The following PRR16 variants were observed in gnomAD, a reference collection of about 807,000 sequenced individuals.
PRR16 encodes protein Largen.
PRR16 carries 6 observed loss-of-function variants against 18.2 expected under a neutral mutation model. The ratio of observed to expected loss-of-function variants is 0.33; its 90% CI spans 0.18 to 0.65. PRR16 has a LOEUF of 0.65. Ranked by LOEUF, PRR16 falls within the 30% of genes least tolerant of loss-of-function variation. The pLI is 0.74. For synonymous variants in PRR16, 151 were observed against 147.8 expected (o/e 1.02, Z -0.16); for missense variants, 412 against 376.6 (o/e 1.09, Z -0.78).
At chr5:120,699,234 G>A in the PRR16 span, among the ~76,000 whole-genome samples, 1,372 of 152,166 alleles carry the variant, frequency 9.0e-3, 27 homozygotes, top group African/African-American at 0.03. Context: ...AGATTTCCAC[G>A]ATGGAAAGGA....
At chr5:120,544,495 C>T (rs914834886) in intron 1 of PRR16, among the ~76,000 whole-genome samples, 5 of 152,068 alleles carry the variant, frequency 3.3e-5, no homozygotes, top group African/African-American at 4.8e-5. Flanking sequence ...TATATGCACA[C>T]ACATGTATGT....
At chr5:120,728,228 T>A in the PRR16 span, among the ~76,000 whole-genome samples, 12 of 152,020 alleles carry the variant, frequency 7.9e-5, no homozygotes, top group African/African-American at 2.9e-4. Flanking sequence ...AGCAAGAGTT[T>A]CTGATCTCAA....
chr5:120,590,799 G>A (rs1220672230), intron 1 of PRR16, among the ~76,000 whole-genome samples: 1 of 152,042 alleles, frequency 6.6e-6, no homozygotes, highest in East Asian at 1.9e-4. Context: ...CTCATGATAT[G>A]CATTCAGTAA....
At chr5:120,651,024 A>C (rs917550408) in intron 1 of PRR16, among the ~76,000 whole-genome samples, 11 of 152,202 alleles carry the variant, frequency 7.2e-5, no homozygotes, top group South Asian at 2.1e-4. Flanking sequence ...GCCATTCTAA[A>C]TGTTGTGAGA....
chr5:120,764,476 A>AT, the PRR16 span, among the ~76,000 whole-genome samples: 3 of 151,106 alleles, frequency 2.0e-5, no homozygotes, highest in African/African-American at 7.3e-5. Flanking sequence ...TTTGTTGAAG[A>AT]TTTTTTGTGT....
At chr5:120,503,692 G>A (rs1580658158) in intron 1 of PRR16, among the ~76,000 whole-genome samples, 1 of 152,008 alleles carries the variant, frequency 6.6e-6, no homozygotes, top group East Asian at 1.9e-4. Context: ...ACAATGTGCA[G>A]GATAGTTACA....
chr5:120,480,576 A>G (rs1580622802), intron 1 of PRR16, among the ~76,000 whole-genome samples: 1 of 152,188 alleles, frequency 6.6e-6, no homozygotes, highest in African/African-American at 2.4e-5. Context: ...CTCCTGTACT[A>G]TACAGATTAG....
chr5:120,770,950 T>TCTCTCTCTCTCTCA, the PRR16 span, among the ~76,000 whole-genome samples: 12 of 148,968 alleles, frequency 8.1e-5, no homozygotes, highest in Admixed American at 2.0e-4. Context: ...TCTCTCTCTC[T>TCTCTCTCTCTCTCA]CACACACACA....
At chr5:120,757,257 T>C in the PRR16 span, among the ~76,000 whole-genome samples, 6 of 152,158 alleles carry the variant, frequency 3.9e-5, no homozygotes, top group Admixed American at 2.6e-4. Context: ...ACATGATGCC[T>C]CTGGCTTCGT....
At chr5:120,745,018 C>T in the PRR16 span, among the ~76,000 whole-genome samples, 1 of 152,176 alleles carries the variant, frequency 6.6e-6, no homozygotes. Flanking sequence ...ACCTTAGAGT[C>T]TTGGTATTTA....
chr5:120,722,099 C>G, the PRR16 span, among the ~76,000 whole-genome samples: 10 of 151,958 alleles, frequency 6.6e-5, no homozygotes, highest in African/African-American at 2.4e-4. Context: ...GTTGGACTCC[C>G]ACTTACGAGT....
chr5:120,697,397 T>C, the PRR16 span, among the ~76,000 whole-genome samples: 1 of 152,186 alleles, frequency 6.6e-6, no homozygotes, highest in Admixed American at 6.5e-5. Flanking sequence ...ATAAATACAA[T>C]TTGCAACTGG....
chr5:120,683,946 C>T (rs1303597071), intron 1 of PRR16, among the ~76,000 whole-genome samples: 1 of 149,504 alleles, frequency 6.7e-6, no homozygotes, highest in Non-Finnish European at 1.5e-5. Flanking sequence ...CCAAAAAAGT[C>T]ATTGAGACTA....
the PRR16 span, among the ~76,000 whole-genome samples, chr5:120,762,161 T>C: frequency 2.0e-5 from 3 of 152,150 alleles, no homozygotes; most frequent in African/African-American, 7.2e-5. Context: ...ACTGCTATAG[T>C]GTTTTAATAA....
At chr5:120,669,289 A>G (rs1021285545) in intron 1 of PRR16, among the ~76,000 whole-genome samples, 2 of 152,078 alleles carry the variant, frequency 1.3e-5, no homozygotes, top group African/African-American at 4.8e-5. Context: ...GGAAAAGGGC[A>G]ATATGAGGCC....
intron 1 of PRR16, among the ~76,000 whole-genome samples, chr5:120,653,404 A>G (rs1447474484): frequency 6.6e-6 from 1 of 152,080 alleles, no homozygotes; most frequent in Non-Finnish European, 1.5e-5. Context: ...ATTTTTTAAA[A>G]TTAAGAAACA....
chr5:120,786,234 ATTC>A, the PRR16 span, among the ~76,000 whole-genome samples: 8 of 151,654 alleles, frequency 5.3e-5, no homozygotes, highest in South Asian at 4.1e-4. Context: ...AGCAAAACAT[ATTC>A]TTCTTTTCCA....
At chr5:120,576,982 C>A (rs902383014) in intron 1 of PRR16, among the ~76,000 whole-genome samples, 3 of 151,700 alleles carry the variant, frequency 2.0e-5, no homozygotes, top group East Asian at 3.9e-4. Flanking sequence ...TTATAACATC[C>A]ATTTGTTCTA....
chr5:120,665,781 T>C (rs1756353018), intron 1 of PRR16, among the ~76,000 whole-genome samples: 1 of 152,180 alleles, frequency 6.6e-6, no homozygotes, highest in South Asian at 2.1e-4. Flanking sequence ...TATGTGGCAT[T>C]ATTTCTGAGG....
Sources: gnomAD v4.1 joint callset for allele counts (sites outside exome capture counted in the v4.1 genomes callset) on GRCh38, gnomAD v4.1.1 for gene constraint, MANE v1.5 for transcripts, NCBI Gene and HGNC (gene_info 2026-07-23, HGNC 2026-07-21) for gene names.